Variants in PPP4R3B observed in about 807,000 individuals in gnomAD.
PPP4R3B encodes the protein protein phosphatase 4 regulatory subunit 3B.
Under a neutral mutation model 95.4 loss-of-function variants are expected in PPP4R3B, and 52 were observed. The ratio of observed to expected loss-of-function variants is 0.54; its 90% confidence interval spans 0.44 to 0.69. The LOEUF is 0.69. PPP4R3B is among the 30% of genes least tolerant of loss of function. The pLI is 0.00. For synonymous variants in PPP4R3B, 407 were observed against 343.9 expected, an observed-to-expected ratio of 1.18 and a Z score of -2.03; for missense variants, 1,003 against 1,005.9, an observed-to-expected ratio of 1.00 and a Z score of 0.04.
chr2:55,564,264 C>CAA, intron 15 of PPP4R3B, 49 bp downstream of exon 15: 1 of 1,441,362 alleles, frequency 6.9e-7, no homozygotes, highest in Non-Finnish European at 9.3e-7. Context: ...AAAATAATTT[C>CAA]TGCACTAAAT....
intron 3 of PPP4R3B, 136 bp from the exon 4 acceptor site, chr2:55,599,175 C>T (rs142132077): frequency 7.5e-6 from 6 of 801,408 alleles, no homozygotes; most frequent in African/African-American, 3.5e-5. Context: ...CGGTGGCTCA[C>T]GCCTGTAATC....
chr2:55,592,901 C>T (rs1226056375), intron 4 of PPP4R3B, among the ~76,000 whole-genome samples: 1 of 152,192 alleles, frequency 6.6e-6, no homozygotes, highest in Non-Finnish European at 1.5e-5. Context: ...TGGCTCATGC[C>T]TGTAATCCCA....
At chr2:55,581,775 A>G in intron 7 of PPP4R3B, 77 bp from the exon 8 acceptor site, 2 of 1,474,108 alleles carry the variant, frequency 1.4e-6, no homozygotes, top group Non-Finnish European at 1.8e-6. Context: ...CACCAACTGA[A>G]AGAGCAAAGT....
At position 55,573,695 on chromosome 2, in the gene PPP4R3B, T is replaced by C; in HGVS notation, c.1689A>G (p.Lys563=). The C allele has an allele frequency of 6.5e-7, 1 of 1,546,776 alleles. No homozygotes were observed. The highest frequency in any genetic ancestry group is 8.7e-7 in the Non-Finnish European group (1 of 1,145,490). The change falls in exon 12 of 17, where the codon AAA becomes AAG. Residue 563 remains lysine, a synonymous_variant. Coordinates refer to ENST00000616407, the MANE Select transcript of PPP4R3B (RefSeq NM_001122964.3). The part of the protein sequence containing the change: ...FCVEHHTYHI[K]NYIMNKDLLR... ...GCAAGTCCTTGTTCATAATATAGTT[T>C]TTTATGTGATATGTGTGATGTTCCA...
chr2:55,558,701 A>T (rs1023122676), intron 16 of PPP4R3B, 74 bp downstream of exon 16: 23 of 1,211,604 alleles, frequency 1.9e-5, no homozygotes, highest in Non-Finnish European at 2.6e-5. Context: ...GATTATCCAA[A>T]TTTTTTTCAG....
chr2:55,564,843 C>T, intron 14 of PPP4R3B, 59 bp downstream of exon 14: 1 of 1,573,062 alleles, frequency 6.4e-7, no homozygotes, highest in Non-Finnish European at 8.6e-7. Context: ...AAAATCTGAA[C>T]TACAAACAAT....
chr2:55,594,860 A>G (rs1404564159), intron 4 of PPP4R3B, among the ~76,000 whole-genome samples: 2 of 152,200 alleles, frequency 1.3e-5, no homozygotes, highest in Non-Finnish European at 2.9e-5. Context: ...ATAACAAAAA[A>G]TTGGTAGGTG....
intron 12 of PPP4R3B, among the ~76,000 whole-genome samples, chr2:55,572,386 A>G (rs1259989531): frequency 6.6e-6 from 1 of 152,204 alleles, no homozygotes; most frequent in Non-Finnish European, 1.5e-5. Flanking sequence ...AACATGATAA[A>G]TTGTTAATAT....
chr2:55,555,677 C>T (rs987924222), intron 16 of PPP4R3B, among the ~76,000 whole-genome samples: 7 of 152,142 alleles, frequency 4.6e-5, no homozygotes, highest in Non-Finnish European at 8.8e-5. Context: ...TCACATATTG[C>T]AGCAATGATT....
At position 55,579,722 on chromosome 2, in the gene PPP4R3B, T is replaced by C; in HGVS notation, c.1425A>G (p.Thr475=). Residue 475 remains threonine, a synonymous_variant, in exon 9 of 17, where the codon ACA becomes ACG. Transcript: ENST00000616407. ...FFYNHCMHVL[T]APLLTNTSED... is the part of the protein sequence containing the mutation. ...CTGAAGTATTGGTCAAAAGTGGTGC[T>C]GTGAGAACATGCATACAATGGTTGT... 6.2e-7 allele frequency: 1 copy of C among 1,608,672 alleles called. No individual in the cohort carries two copies. Among genetic ancestry groups the C allele is most frequent in the Non-Finnish European group, 8.5e-7 (1 of 1,177,498 alleles).
At chr2:55,561,499 T>C (rs1686616525) in intron 15 of PPP4R3B, among the ~76,000 whole-genome samples, 1 of 152,174 alleles carries the variant, frequency 6.6e-6, no homozygotes, top group Non-Finnish European at 1.5e-5. Flanking sequence ...GCTTGCACCA[T>C]GCACCTGGAA....
chr2:55,592,123 A>G (rs1302476051), intron 4 of PPP4R3B, among the ~76,000 whole-genome samples: 1 of 152,248 alleles, frequency 6.6e-6, no homozygotes, highest in African/African-American at 2.4e-5. Context: ...CAGGCCAAAC[A>G]AAAGAAAAAA....
At chr2:55,591,704 A>G in intron 4 of PPP4R3B, 1 of 962,290 alleles carries the variant, frequency 1.0e-6, no homozygotes, top group Non-Finnish European at 1.2e-6. Context: ...AACTGCATAA[A>G]ATATTACAGA....
chr2:55,591,278 G>A (rs747566112), intron 4 of PPP4R3B, among the ~76,000 whole-genome samples: 9 of 151,106 alleles, frequency 6.0e-5, no homozygotes, highest in South Asian at 4.2e-4. Context: ...CAGAGACTGC[G>A]GGCACGTGCC....
chr2:55,572,118 G>C (rs1369116628), intron 12 of PPP4R3B, among the ~76,000 whole-genome samples: 2 of 152,096 alleles, frequency 1.3e-5, no homozygotes, highest in African/African-American at 4.8e-5. Flanking sequence ...TCATTTCAAA[G>C]TATATGTGCA....
At chr2:55,603,109 C>T (rs976466532) in intron 3 of PPP4R3B, among the ~76,000 whole-genome samples, 18 of 152,188 alleles carry the variant, frequency 1.2e-4, no homozygotes, top group Non-Finnish European at 1.0e-4. Context: ...TGCGCTACCA[C>T]GCCCAGCTAA....
At chr2:55,557,063 A>AACAACGACG (rs1558939355) in intron 16 of PPP4R3B, among the ~76,000 whole-genome samples, 1 of 146,414 alleles carries the variant, frequency 6.8e-6, no homozygotes, top group Admixed American at 6.9e-5. Context: ...ACTCTGTAAC[A>AACAACGACG]ACAACGACGA....
chr2:55,549,906 A>G lies in PPP4R3B; in HGVS notation c.*5T>C, dbSNP rs1168678773. 1 of 1,608,954 alleles carries G rather than the reference A, an allele frequency of 6.2e-7. No homozygotes were observed. Among genetic ancestry groups the G allele is most frequent in the Admixed American group, 1.7e-5 (1 of 59,958 alleles). On this transcript the variant is annotated 3_prime_UTR_variant, in exon 17 of 17. Coordinates refer to ENST00000616407, the MANE Select transcript of PPP4R3B (RefSeq NM_001122964.3). ...CCACATGTTGAGGGTCCCCTAATAA[A>G]TATTTTATGAGCCAAGACGAGGTCT...
chr2:55,567,525 T>C (rs1687465963), intron 13 of PPP4R3B, among the ~76,000 whole-genome samples: 1 of 152,170 alleles, frequency 6.6e-6, no homozygotes, highest in South Asian at 2.1e-4. Flanking sequence ...AAGTGGTTCT[T>C]GTGCCTCAGC....
Sources: gnomAD v4.1 joint callset for allele counts (sites outside exome capture counted in the v4.1 genomes callset) on GRCh38, gnomAD v4.1.1 for gene constraint, MANE v1.5 for transcripts, NCBI Gene and HGNC (gene_info 2026-07-23, HGNC 2026-07-21) for gene names.